The following TUSC3 variants were observed in gnomAD, a reference collection of about 807,000 sequenced individuals.
The protein encoded by TUSC3 is tumor suppressor candidate 3.
Under a neutral mutation model 44.8 loss-of-function variants are expected in TUSC3, and 45 were observed. The ratio of observed to expected loss-of-function variants is 1.00; its 90% CI spans 0.79 to 1.29. TUSC3 has a LOEUF of 1.29. Among genes scored for constraint, TUSC3 ranks in the 50% most tolerant of loss-of-function variants. The probability of loss-of-function intolerance (pLI) is 0.00; values close to 1 mark genes in which losing one functional copy is unlikely to be tolerated. For synonymous variants in TUSC3, 212 were observed against 152.9 expected, an observed-to-expected ratio of 1.39 and a Z score of -2.85; for missense variants, 519 against 437.9, an observed-to-expected ratio of 1.19 and a Z score of -1.65.
chr8:15,795,733 G>A, the TUSC3 span, among the ~76,000 whole-genome samples: 1 of 152,216 alleles, frequency 6.6e-6, no homozygotes, highest in Non-Finnish European at 1.5e-5. Context: ...CAGTTTTTGG[G>A]CAAAAGTCCC....
chr8:15,821,359 A>AT, the TUSC3 span, among the ~76,000 whole-genome samples: 4,668 of 131,250 alleles, frequency 0.036, 166 homozygotes, highest in Middle Eastern at 0.055. Context: ...GTATCTAGGC[A>AT]TTTTTTTTTT....
chr8:15,749,385 G>A (rs1811591449), intron 9 of TUSC3, among the ~76,000 whole-genome samples: 1 of 152,076 alleles, frequency 6.6e-6, no homozygotes, highest in East Asian at 1.9e-4. Context: ...TCCCATAAAA[G>A]GGAGATCTGA....
the TUSC3 span, among the ~76,000 whole-genome samples, chr8:15,834,085 T>C: frequency 2.6e-5 from 4 of 152,260 alleles, no homozygotes; most frequent in African/African-American, 9.6e-5. Context: ...ATTTTTCTTA[T>C]AGTACTCTTC....
intron 6 of TUSC3, among the ~76,000 whole-genome samples, chr8:15,690,943 C>A (rs1234141659): frequency 6.6e-6 from 1 of 151,644 alleles, no homozygotes; most frequent in African/African-American, 2.4e-5. Flanking sequence ...CCAAATGCCT[C>A]CAGCTTTGCC....
the TUSC3 span, among the ~76,000 whole-genome samples, chr8:15,810,809 A>C: frequency 6.6e-6 from 1 of 152,122 alleles, no homozygotes; most frequent in African/African-American, 2.4e-5. Context: ...AAGGTCTTCC[A>C]TTGTCCAAAT....
chr8:15,584,135 T>C (rs544583866), intron 1 of TUSC3, among the ~76,000 whole-genome samples: 34 of 152,344 alleles, frequency 2.2e-4, no homozygotes, highest in African/African-American at 7.5e-4. Context: ...GTTAAACTTG[T>C]TAAAGATTTC....
At chr8:15,486,069 A>T (rs1800729004) in intron 2 of TUSC3, among the ~76,000 whole-genome samples, 2 of 152,144 alleles carry the variant, frequency 1.3e-5, no homozygotes, top group African/African-American at 4.8e-5. Flanking sequence ...GCCTGATTAC[A>T]GACATGAGCC....
the TUSC3 span, among the ~76,000 whole-genome samples, chr8:15,794,250 G>C: frequency 6.6e-6 from 1 of 151,804 alleles, no homozygotes; most frequent in South Asian, 2.1e-4. Flanking sequence ...CCGTTTTTTT[G>C]AGGATCCAGC....
Position 15,733,351 on chromosome 8 carries a change from GT to G in TUSC3, c.862+2635del, listed in dbSNP as rs35411856. 1,770 of 351,450 alleles carry G rather than the reference GT, an allele frequency of 5.0e-3. 1 individual carries two copies. Among genetic ancestry groups the G allele is most frequent in the South Asian group, 8.4e-3 (376 of 44,774 alleles). The allele number at this position is 351,450 out of a possible 1,614,324, so 21.8% of individuals were successfully genotyped here. A position where few individuals can be genotyped will look rare whatever the true frequency, so the allele number is the denominator to read the frequency against. On this transcript the variant is annotated intron_variant, in intron 7 of 10. Transcript: ENST00000503731. The stretch of plus-strand genomic sequence containing the variant: ...TATTTAAATATTATAGCTTCTTTTT[GT>G]TTTTTTTTTTTTCCTAACTTGTTTC...
At chr8:15,520,025 C>T (rs756844191) in intron 2 of TUSC3, among the ~76,000 whole-genome samples, 5 of 152,180 alleles carry the variant, frequency 3.3e-5, no homozygotes, top group Non-Finnish European at 5.9e-5. Flanking sequence ...CTGATGTTGT[C>T]CTTGGAGCCC....
At chr8:15,756,486 TTA>T (rs1451279733) in intron 9 of TUSC3, among the ~76,000 whole-genome samples, 4 of 152,200 alleles carry the variant, frequency 2.6e-5, no homozygotes, top group Non-Finnish European at 4.4e-5. Flanking sequence ...CTTTGTCGCA[TTA>T]TGTTTTTCAT....
chr8:15,777,330 T>C, the TUSC3 span, among the ~76,000 whole-genome samples: 2 of 152,152 alleles, frequency 1.3e-5, no homozygotes, highest in Admixed American at 6.5e-5. Context: ...AAAGAAGGCA[T>C]AGTGTGCCTC....
At position 15,501,186 on chromosome 8, in the gene TUSC3, C is replaced by G. The variant is rs185709436; in HGVS notation, n.189+17703C>G. On this transcript the variant is annotated intron_variant and non_coding_transcript_variant, in intron 2 of 5. Coordinates refer to the TUSC3 transcript ENST00000503191. ...AACCACAAAAGACTGCAAGGTTTCTCTAACATGTTTTTCCCTTTTGAGGAT... is the reference window on the plus strand; with the variant it reads ...AACCACAAAAGACTGCAAGGTTTCTGTAACATGTTTTTCCCTTTTGAGGAT... Among the ~76,000 whole-genome samples, 406 of 152,258 alleles carry G rather than the reference C, an allele frequency of 2.7e-3. 4 individuals are homozygous for G. Among genetic ancestry groups the G allele is most frequent in the Non-Finnish European group, 2.6e-3 (175 of 68,012 alleles).
the TUSC3 span, among the ~76,000 whole-genome samples, chr8:15,811,940 A>T: frequency 6.6e-6 from 1 of 152,204 alleles, no homozygotes; most frequent in Admixed American, 6.5e-5. Context: ...AAGTATTTGA[A>T]GAACGGAGGA....
intron 6 of TUSC3, among the ~76,000 whole-genome samples, chr8:15,722,872 T>A (rs577440387): frequency 6.6e-6 from 1 of 152,126 alleles, no homozygotes; most frequent in East Asian, 1.9e-4. Context: ...TTTCCCTGAA[T>A]ATATAGCCTT....
At chr8:15,626,811 G>T (rs576060096) in intron 2 of TUSC3, among the ~76,000 whole-genome samples, 11 of 152,362 alleles carry the variant, frequency 7.2e-5, no homozygotes, top group African/African-American at 2.6e-4. Flanking sequence ...GCATAAACGA[G>T]CATGGGAGAG....
chr8:15,614,309 C>T (rs1057035735), intron 1 of TUSC3, among the ~76,000 whole-genome samples: 3 of 152,028 alleles, frequency 2.0e-5, no homozygotes, highest in Non-Finnish European at 4.4e-5. Flanking sequence ...GTATGTTTTA[C>T]ATTTCTTAAC....
the TUSC3 span, among the ~76,000 whole-genome samples, chr8:15,815,598 A>G: frequency 1.3e-5 from 2 of 152,258 alleles, no homozygotes; most frequent in East Asian, 1.9e-4. Flanking sequence ...AAACAGAAGC[A>G]TCTGTCAGCG....
intron 10 of TUSC3, among the ~76,000 whole-genome samples, chr8:15,759,491 A>G (rs1392453093): frequency 1.3e-5 from 2 of 151,980 alleles, no homozygotes; most frequent in South Asian, 2.1e-4. Context: ...ATAAATAAAA[A>G]AAACAAAACA....
Sources: gnomAD v4.1 joint callset for allele counts (sites outside exome capture counted in the v4.1 genomes callset) on GRCh38, gnomAD v4.1.1 for gene constraint, MANE v1.5 for transcripts, NCBI Gene and HGNC (gene_info 2026-07-23, HGNC 2026-07-21) for gene names.